KCNS3: variants seen among roughly 807,000 people sequenced by gnomAD.
KCNS3 encodes the protein potassium voltage-gated channel modifier subfamily S member 3, also known as delayed-rectifier potassium channel regulatory subunit KCNS3.
In KCNS3, 13 loss-of-function variants were observed where a neutral mutation model predicts 31.0. The ratio of observed to expected loss-of-function variants is 0.42; its 90% CI spans 0.27 to 0.67. KCNS3 has a LOEUF of 0.67. Among genes scored for constraint, KCNS3 ranks in the 30% least tolerant of loss-of-function variants. The pLI is 0.25. For missense variants in KCNS3, 545 were observed against 622.4 expected (o/e 0.88, Z 1.32); for synonymous variants, 238 against 241.5 (o/e 0.99, Z 0.13).
At chr2:17,902,497 C>T (rs7557530) in intron 1 of KCNS3, among the ~76,000 whole-genome samples, 110,999 of 152,044 alleles carry the variant, frequency 0.73, 40,992 homozygotes, top group East Asian at 0.95. Context: ...CTTTGATTGA[C>T]AGATTATTCT....
At chr2:17,880,203 T>C (rs1674613716) in intron 1 of KCNS3, among the ~76,000 whole-genome samples, 2 of 152,216 alleles carry the variant, frequency 1.3e-5, no homozygotes, top group South Asian at 4.1e-4. Context: ...CTTCCCTGCA[T>C]ATCTGGAGCC....
intron 2 of KCNS3, among the ~76,000 whole-genome samples, chr2:17,922,057 T>G (rs3911750): frequency 1.3e-5 from 2 of 150,508 alleles, no homozygotes; most frequent in Non-Finnish European, 3.0e-5. Context: ...ATTTGATCTG[T>G]GTCATTTGTC....
chr2:17,912,842 T>C (rs1007081122), intron 1 of KCNS3, among the ~76,000 whole-genome samples: 1 of 152,244 alleles, frequency 6.6e-6, no homozygotes, highest in African/African-American at 2.4e-5. Context: ...TACTGGTTTG[T>C]CCCTGAATAT....
Position 17,930,848 on chromosome 2 carries a change from T to G in KCNS3, c.-59-102T>G, listed in dbSNP as rs1294676276. 3 of 653,206 alleles carry G rather than the reference T, an allele frequency of 4.6e-6. No individual in the cohort carries two copies. The African/African-American group carries it at 5.4e-5, about 12-fold the overall frequency. The allele number at this position is 653,206 out of a possible 1,614,324, so 40.5% of individuals were successfully genotyped here. On this transcript the variant is annotated intron_variant, in intron 2 of 2. Coordinates refer to ENST00000304101, the MANE Select transcript of KCNS3 (RefSeq NM_002252.5). ...ATTCATTTTTATTGCATTTCCTGCT[T>G]TGCTTTTAATGTAGCCCATCCTCCT...
chr2:17,917,683 A>C lies in KCNS3; in HGVS notation c.-248A>C, dbSNP rs1662619545. 6.6e-6 allele frequency: 1 copy of C among 152,648 alleles called. No individual in the cohort carries two copies. The highest frequency in any genetic ancestry group is 1.5e-5 in the Non-Finnish European group (1 of 68,108). 9.5% of individuals were successfully genotyped at this position (152,648 alleles called of 1,614,324 possible). A position where few individuals can be genotyped will look rare whatever the true frequency, so the allele number is the denominator to read the frequency against. On this transcript the variant is annotated 5_prime_UTR_variant, in exon 2 of 3. An upstream open reading frame in the 5' UTR loses its in-frame stop. Transcript: ENST00000304101. ...TGGCTGATGGTTTTTTCTGCAGGTG[A>C]GAGTGATTTTCCAGTGATTGCTTTG...
At chr2:17,921,913 GTGTATATA>G (rs1358156603) in intron 2 of KCNS3, among the ~76,000 whole-genome samples, 917 of 33,942 alleles carry the variant, frequency 0.027, 12 homozygotes, top group African/African-American at 0.083. Flanking sequence ...GTGTGTGTGT[GTGTATATA>G]TATATATATA....
At chr2:17,921,272 C>T (rs911802761) in intron 2 of KCNS3, among the ~76,000 whole-genome samples, 3 of 152,050 alleles carry the variant, frequency 2.0e-5, no homozygotes, top group African/African-American at 7.2e-5. Context: ...ATCCATGACC[C>T]GCTGCAACAG....
intron 1 of KCNS3, among the ~76,000 whole-genome samples, chr2:17,903,504 T>C (rs1048574546): frequency 9.2e-5 from 14 of 152,150 alleles, no homozygotes; most frequent in African/African-American, 2.9e-4. Context: ...ATGTGCACAG[T>C]GTGCAGGTTT....
intron 1 of KCNS3, among the ~76,000 whole-genome samples, chr2:17,888,639 A>ATATATATATC (rs1661758356): frequency 1.3e-5 from 1 of 75,316 alleles, no homozygotes; most frequent in Non-Finnish European, 3.4e-5. Context: ...GTATATATAT[A>ATATATATATC]TATATATATA....
chr2:17,904,674 A>T (rs909545602), intron 1 of KCNS3, among the ~76,000 whole-genome samples: 1 of 152,220 alleles, frequency 6.6e-6, no homozygotes, highest in Non-Finnish European at 1.5e-5. Context: ...AGCTTTCTAC[A>T]TATGGCTAGC....
At chr2:17,923,846 T>C (rs1234524657) in intron 2 of KCNS3, among the ~76,000 whole-genome samples, 1 of 151,892 alleles carries the variant, frequency 6.6e-6, no homozygotes, top group Non-Finnish European at 1.5e-5. Flanking sequence ...AAGAATCAAT[T>C]TGTCAATTTC....
At chr2:17,918,337 G>A (rs1382319218) in intron 2 of KCNS3, among the ~76,000 whole-genome samples, 1 of 152,158 alleles carries the variant, frequency 6.6e-6, no homozygotes, top group Non-Finnish European at 1.5e-5. Flanking sequence ...AAACATGTTG[G>A]ATCAATTCTA....
intron 2 of KCNS3, among the ~76,000 whole-genome samples, chr2:17,924,031 A>T (rs2125252326): frequency 1.3e-5 from 2 of 151,800 alleles, no homozygotes; most frequent in South Asian, 4.1e-4. Flanking sequence ...TTCTTCCATA[A>T]TTTTTTCAAC....
intron 1 of KCNS3, among the ~76,000 whole-genome samples, chr2:17,907,000 T>G (rs2125243285): frequency 6.6e-6 from 1 of 152,316 alleles, no homozygotes; most frequent in African/African-American, 2.4e-5. Context: ...CTGAGTTCAA[T>G]TCCTGGATAT....
intron 1 of KCNS3, among the ~76,000 whole-genome samples, chr2:17,880,157 A>G (rs1674611717): frequency 6.6e-6 from 1 of 152,226 alleles, no homozygotes; most frequent in African/African-American, 2.4e-5. Flanking sequence ...GCACGCACCT[A>G]TCTCTTAGCT....
At chr2:17,910,095 G>C (rs1662436022) in intron 1 of KCNS3, among the ~76,000 whole-genome samples, 1 of 152,202 alleles carries the variant, frequency 6.6e-6, no homozygotes, top group Admixed American at 6.5e-5. Flanking sequence ...GGATGTAAAG[G>C]AATCCAGTTA....
chr2:17,897,205 T>TTGCTG (rs922155085), intron 1 of KCNS3, among the ~76,000 whole-genome samples: 2 of 152,220 alleles, frequency 1.3e-5, no homozygotes, highest in Non-Finnish European at 2.9e-5. Flanking sequence ...TGCATTCATG[T>TTGCTG]TGCTGCAAAG....
chr2:17,918,516 T>G (rs1419779320), intron 2 of KCNS3, among the ~76,000 whole-genome samples: 1 of 152,178 alleles, frequency 6.6e-6, no homozygotes, highest in African/African-American at 2.4e-5. Context: ...ACCATCTCAT[T>G]TGTTTGACTT....
intron 2 of KCNS3, among the ~76,000 whole-genome samples, chr2:17,924,570 G>A (rs1328978532): frequency 6.6e-6 from 1 of 152,114 alleles, no homozygotes; most frequent in African/African-American, 2.4e-5. Flanking sequence ...AATCATGAAA[G>A]AGTGCTAGAT....
Sources: gnomAD v4.1 joint callset for allele counts (sites outside exome capture counted in the v4.1 genomes callset) on GRCh38, gnomAD v4.1.1 for gene constraint, MANE v1.5 for transcripts, NCBI Gene and HGNC (gene_info 2026-07-23, HGNC 2026-07-21) for gene names.